SPOCK1: variants seen among roughly 807,000 people sequenced by gnomAD.
The protein encoded by SPOCK1 is testican-1.
SPOCK1 carries 23 observed loss-of-function variants against 55.3 expected under a neutral mutation model. The observed-to-expected ratio is 0.42, with a 90% CI of 0.30 to 0.59. The LOEUF is 0.59. SPOCK1 is among the 20% of genes least tolerant of loss of function. SPOCK1 has a pLI of 0.22. For missense variants in SPOCK1, 499 were observed against 552.5 expected, an observed-to-expected ratio of 0.90 and a Z score of 0.97; for synonymous variants, 226 against 221.0, an observed-to-expected ratio of 1.02 and a Z score of -0.20.
chr5:137,403,256 C>T (rs1462178989), intron 2 of SPOCK1, among the ~76,000 whole-genome samples: 1 of 152,226 alleles, frequency 6.6e-6, no homozygotes, highest in Non-Finnish European at 1.5e-5. Flanking sequence ...CTCTGCTGAG[C>T]TTCCCTGCTG....
chr5:137,371,499 A>G (rs891142505), intron 2 of SPOCK1, among the ~76,000 whole-genome samples: 6 of 152,230 alleles, frequency 3.9e-5, no homozygotes, highest in African/African-American at 1.4e-4. Flanking sequence ...GGATTCTACA[A>G]AGCAGTTTGC....
Position 136,992,597 on chromosome 5 carries a change from C to T in SPOCK1, c.593G>A (p.Cys198Tyr), listed in dbSNP as rs1221050343. The change falls in exon 7 of 11, where the codon TGC becomes TAC. Residue 198 changes from cysteine (C) to tyrosine (Y), a missense_variant. This residue lies in a region of SPOCK1 where 386 missense variants were observed against 400.6 expected (regional missense o/e 0.96). Transcript: ENST00000394945. Reference protein sequence around the residue: ...PPKHKAERSACTDKELRNLAS... With the variant: ...PPKHKAERSAYTDKELRNLAS... The stretch of plus-strand genomic sequence containing the variant: ...AAGGTTCCGCAACTCCTTGTCTGTG[C>T]AGGCTAGAGAAAAGCAAACAGAACA... 1 of 1,612,258 alleles carries T rather than the reference C, an allele frequency of 6.2e-7. No individual in the cohort carries two copies. Among genetic ancestry groups the T allele is most frequent in the Admixed American group, 1.7e-5 (1 of 59,714 alleles).
chr5:137,395,298 C>G (rs1384354735), intron 2 of SPOCK1, among the ~76,000 whole-genome samples: 1 of 152,154 alleles, frequency 6.6e-6, no homozygotes, highest in East Asian at 1.9e-4. Context: ...TCAGGTGTGC[C>G]AAAGTAATTT....
intron 3 of SPOCK1, among the ~76,000 whole-genome samples, chr5:137,181,186 T>C (rs1754962867): frequency 6.6e-6 from 1 of 152,054 alleles, no homozygotes; most frequent in Admixed American, 6.6e-5. Context: ...ATACAAGATT[T>C]CCAACAGGTA....
chr5:137,276,582 GAT>G (rs1172768108), intron 2 of SPOCK1, among the ~76,000 whole-genome samples: 1 of 152,220 alleles, frequency 6.6e-6, no homozygotes, highest in East Asian at 1.9e-4. Context: ...GAATGAATAA[GAT>G]AACAATCCAA....
intron 2 of SPOCK1, among the ~76,000 whole-genome samples, chr5:137,463,015 G>A (rs1753521712): frequency 6.6e-6 from 1 of 152,152 alleles, no homozygotes; most frequent in Non-Finnish European, 1.5e-5. Flanking sequence ...GGCTTCATGG[G>A]CCACAGTAAA....
chr5:137,079,851 A>ACCCC (rs1561601769), intron 5 of SPOCK1, among the ~76,000 whole-genome samples: 1 of 150,686 alleles, frequency 6.6e-6, no homozygotes, highest in African/African-American at 2.4e-5. Flanking sequence ...ACTCCTGCAG[A>ACCCC]CCCCCCTTAG....
At chr5:137,294,789 C>A (rs1757446340) in intron 2 of SPOCK1, among the ~76,000 whole-genome samples, 1 of 152,234 alleles carries the variant, frequency 6.6e-6, no homozygotes, top group Non-Finnish European at 1.5e-5. Context: ...GTTTCAGGCA[C>A]ATTCTTGCCT....
chr5:137,367,539 G>A (rs1242249079), intron 2 of SPOCK1, among the ~76,000 whole-genome samples: 1 of 152,146 alleles, frequency 6.6e-6, no homozygotes, highest in Non-Finnish European at 1.5e-5. Context: ...ACATGCCTCA[G>A]GAACATTAAA....
chr5:136,978,214 C>T lies in SPOCK1; in HGVS notation c.*440G>A, dbSNP rs1004731039. ...GTATTTTTTGTTTTTTTCTTTTTCA[C>T]AACATCTACAGGACACAAGAGAAGC... is the stretch of plus-strand genomic sequence containing the variant. On this transcript the variant is annotated 3_prime_UTR_variant, in exon 11 of 11. Coordinates refer to ENST00000394945, the MANE Select transcript of SPOCK1 (RefSeq NM_004598.4). 9.2e-6 allele frequency: 3 copies of T among 324,864 alleles called. No homozygotes were observed. The highest frequency in any genetic ancestry group is 1.7e-5 in the Non-Finnish European group (3 of 180,454). The allele number at this position is 324,864 out of a possible 1,614,324, so 20.1% of individuals were successfully genotyped here. A position where few individuals can be genotyped will look rare whatever the true frequency, so the allele number is the denominator to read the frequency against.
intron 2 of SPOCK1, among the ~76,000 whole-genome samples, chr5:137,416,997 G>A (rs1182164374): frequency 6.6e-6 from 1 of 152,042 alleles, no homozygotes; most frequent in Non-Finnish European, 1.5e-5. Context: ...TTGTGAAGTT[G>A]TAATATTTCT....
At chr5:137,460,055 G>A (rs1391215759) in intron 2 of SPOCK1, among the ~76,000 whole-genome samples, 1 of 152,234 alleles carries the variant, frequency 6.6e-6, no homozygotes, top group Non-Finnish European at 1.5e-5. Flanking sequence ...GGGGCAGTAA[G>A]TAGGACTAAA....
intron 6 of SPOCK1, among the ~76,000 whole-genome samples, chr5:137,053,582 A>G (rs188308743): frequency 2.7e-5 from 4 of 147,794 alleles, no homozygotes; most frequent in East Asian, 2.0e-4. Context: ...GGCAGTCACA[A>G]TGTTGCTTCA....
At chr5:137,422,706 T>C (rs1369145440) in intron 2 of SPOCK1, among the ~76,000 whole-genome samples, 1 of 152,224 alleles carries the variant, frequency 6.6e-6, no homozygotes, top group Admixed American at 6.5e-5. Context: ...TCCAAGGTTT[T>C]TAACTTCTTT....
chr5:137,164,765 A>T (rs1754616780), intron 3 of SPOCK1, among the ~76,000 whole-genome samples: 1 of 152,156 alleles, frequency 6.6e-6, no homozygotes. Context: ...AGGGAACATC[A>T]ACGGTAGCCT....
At chr5:137,382,877 C>T (rs1664690022) in intron 2 of SPOCK1, among the ~76,000 whole-genome samples, 1 of 152,206 alleles carries the variant, frequency 6.6e-6, no homozygotes, top group Admixed American at 6.5e-5. Flanking sequence ...TGTGATGTGA[C>T]AAGTTCTCAG....
At chr5:137,085,798 A>G (rs575288892) in intron 5 of SPOCK1, among the ~76,000 whole-genome samples, 1 of 152,262 alleles carries the variant, frequency 6.6e-6, no homozygotes, top group Non-Finnish European at 1.5e-5. Flanking sequence ...TTCTTAAACT[A>G]CTTGCCAGTT....
intron 3 of SPOCK1, among the ~76,000 whole-genome samples, chr5:137,262,491 C>A (rs1756763080): frequency 6.6e-6 from 1 of 152,176 alleles, no homozygotes; most frequent in Non-Finnish European, 1.5e-5. Context: ...CACTTCCCTA[C>A]CCCCCAGTAG....
At chr5:137,300,292 G>T (rs1459487555) in intron 2 of SPOCK1, among the ~76,000 whole-genome samples, 4 of 151,596 alleles carry the variant, frequency 2.6e-5, no homozygotes, top group Non-Finnish European at 4.4e-5. Flanking sequence ...TTTCCTTTAG[G>T]TCTCTGAACA....
Sources: gnomAD v4.1 joint callset for allele counts (sites outside exome capture counted in the v4.1 genomes callset) on GRCh38, gnomAD v4.1.1 for gene constraint, gnomAD v4.1.1 regional missense constraint, MANE v1.5 for transcripts, NCBI Gene and HGNC (gene_info 2026-07-23, HGNC 2026-07-21) for gene names.